S100A16: variants seen among roughly 807,000 people sequenced by gnomAD.
S100A16 encodes S100 calcium binding protein A16.
In S100A16, 8 loss-of-function variants were observed where a neutral mutation model predicts 9.0. The ratio of observed to expected loss-of-function variants is 0.89; its 90% confidence interval spans 0.52 to 1.60. S100A16 has a LOEUF of 1.60. Among genes scored for constraint, S100A16 ranks in the 40% most tolerant of loss-of-function variants. S100A16 has a pLI of 0.00. For missense variants in S100A16, 138 were observed against 132.4 expected, an observed-to-expected ratio of 1.04 and a Z score of -0.21; for synonymous variants, 51 against 51.4, an observed-to-expected ratio of 0.99 and a Z score of 0.04.
chr1:153,612,226 G>C (rs922851566), intron 1 of S100A16, among the ~76,000 whole-genome samples: 1 of 152,098 alleles, frequency 6.6e-6, no homozygotes, highest in Non-Finnish European at 1.5e-5. Flanking sequence ...GCAGGGGAAG[G>C]CTCCCATAGT....
intron 1 of S100A16, among the ~76,000 whole-genome samples, chr1:153,612,602 C>G (rs189515190): frequency 6.6e-6 from 1 of 152,170 alleles, no homozygotes. Flanking sequence ...CCACCCCCAA[C>G]CCAGACCAAC....
chr1:153,609,493 T>C (rs1666786927), intron 1 of S100A16: 3 of 376,862 alleles, frequency 8.0e-6, no homozygotes, highest in Non-Finnish European at 1.1e-5. Context: ...ACCACTCAGC[T>C]AGCACTGGCT....
At chr1:153,611,350 C>A (rs1666832133) in intron 1 of S100A16, among the ~76,000 whole-genome samples, 1 of 151,412 alleles carries the variant, frequency 6.6e-6, no homozygotes, top group South Asian at 2.1e-4. Context: ...CCTAAGTCCA[C>A]CTTCTCTTCT....
chr1:153,607,739 G>C, intron 2 of S100A16, 47 bp from the exon 3 acceptor site: 1 of 1,610,370 alleles, frequency 6.2e-7, no homozygotes, highest in South Asian at 1.1e-5. Flanking sequence ...AAGCCCCAGA[G>C]AGACTCCAGG....
At chr1:153,609,611 G>A (rs1318666847) in intron 1 of S100A16, among the ~76,000 whole-genome samples, 3 of 152,146 alleles carry the variant, frequency 2.0e-5, no homozygotes, top group Admixed American at 6.5e-5. Flanking sequence ...TGAACCAAGC[G>A]GCGGGACTCA....
chr1:153,607,271 C>G lies in S100A16; in HGVS notation c.*263G>C. The G allele has an allele frequency of 5.3e-6, 3 of 561,338 alleles. No individual in the cohort carries two copies. Among genetic ancestry groups the G allele is most frequent in the Non-Finnish European group, 9.6e-6 (3 of 312,958 alleles). 34.8% of individuals were successfully genotyped at this position (561,338 alleles called of 1,614,324 possible). A position where few individuals can be genotyped will look rare whatever the true frequency, so the allele number is the denominator to read the frequency against. On this transcript the variant is annotated 3_prime_UTR_variant, in exon 3 of 3. Coordinates refer to ENST00000368706, the MANE Select transcript of S100A16 (RefSeq NM_080388.3). ...ATGAGACTGAACAGGTGAGAAAACT[C>G]TTAGGGTCCCCAGACAGCATTGAGA...
intron 1 of S100A16, among the ~76,000 whole-genome samples, chr1:153,608,597 A>T (rs1169935312): frequency 6.6e-6 from 1 of 151,698 alleles, no homozygotes; most frequent in African/African-American, 2.4e-5. Flanking sequence ...TGAGCCATGG[A>T]GGTTAGGGGC....
At chr1:153,608,907 G>A in intron 1 of S100A16, 1 of 985,942 alleles carries the variant, frequency 1.0e-6, no homozygotes, top group Non-Finnish European at 1.2e-6. Context: ...ACCTAAGGCG[G>A]GGGCCAAGCC....
At position 153,608,142 on chromosome 1, in the gene S100A16, A is replaced by G; in HGVS notation, c.10T>C (p.Cys4Arg). The change falls in exon 2 of 3, where the codon TGC becomes CGC. Residue 4 changes from cysteine to arginine, a missense_variant. Transcript: ENST00000368706. MSD[C>R]YTELEKAVIV... Reference sequence around the variant, plus strand: ...ACTGCCTTCTCCAGCTCCGTGTAGCAGTCTGACATCTCCCTGCTTCGCCTG... The same window carrying G: ...ACTGCCTTCTCCAGCTCCGTGTAGCGGTCTGACATCTCCCTGCTTCGCCTG... The G allele has an allele frequency of 6.2e-7, 1 of 1,613,770 alleles. No homozygotes were observed. Among genetic ancestry groups the G allele is most frequent in the Non-Finnish European group, 8.5e-7 (1 of 1,179,920 alleles).
intron 1 of S100A16, among the ~76,000 whole-genome samples, chr1:153,610,812 A>C (rs1004121676): frequency 6.9e-6 from 1 of 145,128 alleles, no homozygotes; most frequent in Non-Finnish European, 1.5e-5. Context: ...CACCCCACCC[A>C]CCCCACAAGC....
chr1:153,607,721 G>A (rs769237380), intron 2 of S100A16, 29 bp from the exon 3 acceptor site: 4 of 1,613,734 alleles, frequency 2.5e-6, no homozygotes, highest in South Asian at 2.2e-5. Context: ...CAGCAATGCT[G>A]ATGGTGGAAG....
At chr1:153,608,424 A>G in intron 1 of S100A16, 2 of 448,918 alleles carry the variant, frequency 4.5e-6, no homozygotes, top group Middle Eastern at 1.2e-3. Context: ...GCCCTGCCCC[A>G]GCCCCAGGCA....
At position 153,607,277 on chromosome 1, in the gene S100A16, G is replaced by T. The variant is rs1571266113; in HGVS notation, c.*257C>A. 1 of 569,228 alleles carries T rather than the reference G, an allele frequency of 1.8e-6. No individual in the cohort carries two copies. The highest frequency in any genetic ancestry group is 2.1e-5 in the South Asian group (1 of 48,580). The allele number at this position is 569,228 out of a possible 1,614,324, so 35.3% of individuals were successfully genotyped here. On this transcript the variant is annotated 3_prime_UTR_variant, in exon 3 of 3. Coordinates refer to ENST00000368706, the MANE Select transcript of S100A16 (RefSeq NM_080388.3). ...CTGAACAGGTGAGAAAACTCTTAGG[G>T]TCCCCAGACAGCATTGAGATCTCAC...
chr1:153,608,905 C>CG, intron 1 of S100A16: 1 of 985,792 alleles, frequency 1.0e-6, no homozygotes, highest in Non-Finnish European at 1.2e-6. Context: ...TTACCTAAGG[C>CG]GGGGGCCAAG....
intron 1 of S100A16, among the ~76,000 whole-genome samples, chr1:153,611,913 T>TCACACACACACACA (rs1376711851): frequency 2.5e-5 from 2 of 81,288 alleles, no homozygotes; most frequent in East Asian, 5.1e-4. Context: ...TCTTTGTCTC[T>TCACACACACACACA]CTCTCACACA....
chr1:153,608,220 G>T, intron 1 of S100A16, 43 bp from the exon 2 acceptor site: 1 of 1,559,584 alleles, frequency 6.4e-7, no homozygotes, highest in Non-Finnish European at 8.7e-7. Flanking sequence ...ACACCCACAG[G>T]CCATACCTCC....
At chr1:153,607,949 A>G (rs1557912535) in intron 2 of S100A16, 50 bp downstream of exon 2, 1 of 1,577,166 alleles carries the variant, frequency 6.3e-7, no homozygotes, top group South Asian at 1.1e-5. Context: ...AGAGGCTTGC[A>G]GGGGAGGGAA....
chr1:153,607,254 G>A lies in S100A16; in HGVS notation c.*280C>T. Reference sequence around the variant, plus strand: ...AGACATTGGAAGGTTAGATGAGACTGAACAGGTGAGAAAACTCTTAGGGTC... The same window carrying A: ...AGACATTGGAAGGTTAGATGAGACTAAACAGGTGAGAAAACTCTTAGGGTC... On this transcript the variant is annotated 3_prime_UTR_variant, in exon 3 of 3. Coordinates refer to ENST00000368706, the MANE Select transcript of S100A16 (RefSeq NM_080388.3). 1 of 531,752 alleles carries A rather than the reference G, an allele frequency of 1.9e-6. No homozygotes were observed. 32.9% of individuals were successfully genotyped at this position (531,752 alleles called of 1,614,324 possible).
chr1:153,611,915 T>TCA lies in S100A16; in HGVS notation c.-27+1036_-27+1037insTG, dbSNP rs1250361327. On this transcript the variant is annotated intron_variant, in intron 1 of 2. Transcript: ENST00000368706. Reference sequence around the variant, plus strand: ...CTGCGTCTAACTCTCTTTGTCTCTCTCTCACACACACACACACACACACAC... The same window carrying TCA: ...CTGCGTCTAACTCTCTTTGTCTCTCTCACTCACACACACACACACACACACAC... 1.8e-4 allele frequency among the ~76,000 whole-genome samples: 14 copies of TCA among 79,802 alleles called. No homozygotes were observed. In the East Asian group the frequency reaches 2.1e-3, roughly 12 times the overall value. 52.4% of individuals were successfully genotyped at this position (79,802 alleles called of 152,430 possible).
Sources: gnomAD v4.1 joint callset for allele counts (sites outside exome capture counted in the v4.1 genomes callset) on GRCh38, gnomAD v4.1.1 for gene constraint, MANE v1.5 for transcripts, NCBI Gene and HGNC (gene_info 2026-07-23, HGNC 2026-07-21) for gene names.